Variants in PPARG observed in about 807,000 individuals in gnomAD.
The protein encoded by PPARG is peroxisome proliferator activated receptor gamma.
Under a neutral mutation model 39.2 loss-of-function variants are expected in PPARG, and 17 were observed. The ratio of observed to expected loss-of-function variants is 0.43; its 90% CI spans 0.30 to 0.65. The LOEUF (loss-of-function observed/expected upper bound fraction) is 0.65, where lower values mean the gene tolerates loss of function less well. PPARG is among the 30% of genes least tolerant of loss of function. The pLI is 0.13. For missense variants in PPARG, 406 were observed against 585.9 expected (o/e 0.69, Z 3.17); for synonymous variants, 223 against 215.7 (o/e 1.03, Z -0.30).
chr3:12,372,249 A>C, intron 2 of PPARG: 1 of 692,702 alleles, frequency 1.4e-6, no homozygotes, highest in Non-Finnish European at 2.7e-6. Flanking sequence ...TGGAACTGTT[A>C]AATAATTGTT....
At chr3:12,399,709 GAA>G (rs2050400245) in intron 5 of PPARG, among the ~76,000 whole-genome samples, 8 of 150,360 alleles carry the variant, frequency 5.3e-5, no homozygotes, top group African/African-American at 9.8e-5. Flanking sequence ...AGGAAGGAAA[GAA>G]AGAGAGGTGA....
At chr3:12,380,697 A>G (rs76003730) in intron 3 of PPARG, among the ~76,000 whole-genome samples, 2,079 of 152,280 alleles carry the variant, frequency 0.014, 62 homozygotes, top group African/African-American at 0.047. Context: ...TTTCAGTTAG[A>G]GCCTAATATG....
chr3:12,433,860 TG>T (rs772678793), intron 7 of PPARG, 37 bp from the exon 8 acceptor site: 3 of 1,613,040 alleles, frequency 1.9e-6, no homozygotes, highest in Non-Finnish European at 2.5e-6. Context: ...ATTTTTTGAC[TG>T]AACCCCCTGT....
intron 7 of PPARG, among the ~76,000 whole-genome samples, chr3:12,419,704 T>A (rs1343772764): frequency 6.6e-6 from 1 of 152,022 alleles, no homozygotes; most frequent in East Asian, 1.9e-4. Flanking sequence ...CCTGACCTCA[T>A]GATCCACCTG....
Position 12,328,236 on chromosome 3 carries a change from A to T in PPARG, c.-9+15783A>T, listed in dbSNP as rs373185140. 3.0e-5 allele frequency: 46 copies of T among 1,533,404 alleles called. 1 individual carries two copies. Among genetic ancestry groups the T allele is most frequent in the African/African-American group, 1.4e-4 (10 of 73,326 alleles). The allele number at this position is 1,533,404 out of a possible 1,614,324, so 95.0% of individuals were successfully genotyped here. A position where few individuals can be genotyped will look rare whatever the true frequency, so the allele number is the denominator to read the frequency against. ...GGAGCGGAGCGTTAAGGAAGCTGAG[A>T]ACAACATCCGGGAGATGCTGATGGC... On this transcript the variant is annotated intron_variant, in intron 2 of 7. Transcript: ENST00000651735.
In PPARG at chr3:12,413,726, G is replaced by C. The variant is rs574094584; in HGVS notation, c.730-2978G>C. ...TCCCAGCTACTCTGGAGGCTGAGGAGAATCACTTGAACCCAGGAGGTGGAG... is the reference window on the plus strand; with the variant it reads ...TCCCAGCTACTCTGGAGGCTGAGGACAATCACTTGAACCCAGGAGGTGGAG... On this transcript the variant is annotated intron_variant, in intron 6 of 7. Coordinates refer to ENST00000651735, the MANE Select transcript of PPARG (RefSeq NM_138711.6). Among the ~76,000 whole-genome samples the C allele has an allele frequency of 2.7e-5, 4 of 148,584 alleles. No individual in the cohort carries two copies. The South Asian group carries it at 8.5e-4, about 32-fold the overall frequency.
intron 4 of PPARG, among the ~76,000 whole-genome samples, chr3:12,386,169 A>G (rs1264393564): frequency 6.6e-6 from 1 of 152,172 alleles, no homozygotes; most frequent in Non-Finnish European, 1.5e-5. Context: ...CTTCATCAGT[A>G]ATATGAAGAA....
intron 6 of PPARG, 24 bp downstream of exon 6, chr3:12,406,105 A>G (rs1033707796): frequency 6.2e-7 from 1 of 1,611,594 alleles, no homozygotes; most frequent in Non-Finnish European, 8.5e-7. Context: ...TGCTGTCTTC[A>G]TTGGGGGAGG....
intron 7 of PPARG, among the ~76,000 whole-genome samples, chr3:12,430,848 G>C (rs1276667388): frequency 2.0e-5 from 3 of 152,156 alleles, no homozygotes; most frequent in African/African-American, 7.2e-5. Context: ...TTTCAGGCAG[G>C]AAGAATAAAA....
chr3:12,379,516 G>A (rs1289238054), intron 2 of PPARG, among the ~76,000 whole-genome samples, 188 bp from the exon 3 acceptor site: 1 of 152,306 alleles, frequency 6.6e-6, no homozygotes, highest in East Asian at 1.9e-4. Context: ...TGGGTAAAGG[G>A]TGACTTCCTT....
At chr3:12,391,611 G>C (rs952662850) in intron 4 of PPARG, among the ~76,000 whole-genome samples, 1 of 152,134 alleles carries the variant, frequency 6.6e-6, no homozygotes, top group Non-Finnish European at 1.5e-5. Flanking sequence ...AGTTTGTAGG[G>C]GAGGGTCAGG....
intron 4 of PPARG, among the ~76,000 whole-genome samples, chr3:12,383,075 T>TA (rs1179972428): frequency 2.0e-5 from 3 of 152,198 alleles, no homozygotes; most frequent in African/African-American, 4.8e-5. Flanking sequence ...GGCAACCTAA[T>TA]ACAGTGAAAA....
chr3:12,406,326 T>G (rs2050665083), intron 6 of PPARG: 2 of 502,572 alleles, frequency 4.0e-6, no homozygotes, highest in Admixed American at 6.4e-5. Context: ...AATGTATTGG[T>G]CATCCTAACT....
intron 2 of PPARG, among the ~76,000 whole-genome samples, chr3:12,371,010 G>C (rs779134936): frequency 6.6e-6 from 1 of 152,120 alleles, no homozygotes; most frequent in Non-Finnish European, 1.5e-5. Flanking sequence ...GTCCCCTAGT[G>C]GTAGTGTTGG....
intron 5 of PPARG, among the ~76,000 whole-genome samples, chr3:12,399,106 C>T (rs570618030): frequency 9.8e-5 from 15 of 152,288 alleles, no homozygotes; most frequent in African/African-American, 3.1e-4. Flanking sequence ...CCCCCAGCCC[C>T]ATCTGTGCAG....
intron 7 of PPARG, among the ~76,000 whole-genome samples, chr3:12,425,280 A>G (rs2051400075): frequency 6.6e-6 from 1 of 152,210 alleles, no homozygotes. Context: ...TGGGGACTTC[A>G]TGTGTTTAGA....
At chr3:12,385,902 T>G (rs1359765931) in intron 4 of PPARG, among the ~76,000 whole-genome samples, 1 of 152,208 alleles carries the variant, frequency 6.6e-6, no homozygotes, top group Non-Finnish European at 1.5e-5. Flanking sequence ...GTCCCTGATG[T>G]TTTGTTAAAA....
chr3:12,418,425 G>T (rs2051151288), intron 7 of PPARG, among the ~76,000 whole-genome samples: 1 of 152,152 alleles, frequency 6.6e-6, no homozygotes, highest in Non-Finnish European at 1.5e-5. Flanking sequence ...TGAAAAACCC[G>T]TCGGGGGATA....
At chr3:12,320,018 A>G (rs1475079201) in intron 2 of PPARG, among the ~76,000 whole-genome samples, 1 of 152,182 alleles carries the variant, frequency 6.6e-6, no homozygotes, top group Non-Finnish European at 1.5e-5. Context: ...TCACCGGTAC[A>G]CGCTAATCAG....
Sources: allele counts gnomAD v4.1 joint callset (sites outside exome capture counted in the v4.1 genomes callset), GRCh38; gene constraint gnomAD v4.1.1; transcripts MANE v1.5; gene names NCBI Gene and HGNC (gene_info 2026-07-23, HGNC 2026-07-21).